Variants in UROC1 observed in about 807,000 individuals in gnomAD.
UROC1 encodes urocanate hydratase 1.
A neutral mutation model predicts 89.5 loss-of-function variants in UROC1; 79 were observed. The ratio of observed to expected loss-of-function variants is 0.88; its 90% confidence interval spans 0.74 to 1.06. UROC1 has a LOEUF of 1.06. Ranked by LOEUF, UROC1 falls within the 50% of genes least tolerant of loss-of-function variation. The pLI, the probability that UROC1 is intolerant of heterozygous loss-of-function variation, is 0.00. For missense variants in UROC1, 885 were observed against 907.8 expected, an observed-to-expected ratio of 0.97 and a Z score of 0.32; for synonymous variants, 361 against 354.8, an observed-to-expected ratio of 1.02 and a Z score of -0.20.
intron 13 of UROC1, 49 bp downstream of exon 13, chr3:126,499,288 G>A: frequency 6.3e-7 from 1 of 1,589,352 alleles, no homozygotes; most frequent in Non-Finnish European, 8.6e-7. Flanking sequence ...CCTGAACGGG[G>A]CAGGGGTGGC....
At chr3:126,515,230 G>C (rs762736351) in intron 1 of UROC1, among the ~76,000 whole-genome samples, 1 of 152,070 alleles carries the variant, frequency 6.6e-6, no homozygotes, top group East Asian at 1.9e-4. Flanking sequence ...CCTGAGCTCC[G>C]GGGTGAAGTT....
Position 126,496,033 on chromosome 3 carries a change from C to G in UROC1, c.1509+5G>C. On this transcript the variant is annotated splice_donor_5th_base_variant and intron_variant, in intron 15 of 19. Coordinates refer to ENST00000290868, the MANE Select transcript of UROC1 (RefSeq NM_144639.3). ...CCCCAGCCTCCCCCAGGCCTGGGCC[C>G]TCACCAGCCGGTGCCTGGCGGCCTC... 1.9e-6 allele frequency: 3 copies of G among 1,612,686 alleles called. No homozygotes were observed. Among genetic ancestry groups the G allele is most frequent in the Non-Finnish European group, 2.5e-6 (3 of 1,179,876 alleles).
chr3:126,509,051 G>A (rs148912249), intron 3 of UROC1, among the ~76,000 whole-genome samples: 1 of 152,168 alleles, frequency 6.6e-6, no homozygotes, highest in African/African-American at 2.4e-5. Flanking sequence ...CATTAATAAT[G>A]TTTATATAGA....
intron 15 of UROC1, 51 bp downstream of exon 15, chr3:126,495,987 A>C: frequency 1.3e-6 from 2 of 1,571,922 alleles, no homozygotes; most frequent in Non-Finnish European, 8.7e-7. Flanking sequence ...ACCTTTGGGC[A>C]GTCTTCTGAC....
chr3:126,517,570 C>T (rs763900580), intron 1 of UROC1, 24 bp downstream of exon 1: 18 of 1,612,192 alleles, frequency 1.1e-5, no homozygotes, highest in Middle Eastern at 1.7e-4. Flanking sequence ...GCCAAGGCCT[C>T]GGGAGCACGG....
intron 9 of UROC1, chr3:126,501,864 G>C (rs765461281): frequency 9.4e-6 from 15 of 1,599,374 alleles, no homozygotes; most frequent in African/African-American, 1.3e-5. Context: ...GTGCAAGGTT[G>C]ACAAAGCAGG....
intron 8 of UROC1, among the ~76,000 whole-genome samples, chr3:126,505,377 T>C (rs1936028683): frequency 6.6e-6 from 1 of 152,194 alleles, no homozygotes; most frequent in Non-Finnish European, 1.5e-5. Flanking sequence ...CCCTCCCATC[T>C]GTATTCCAGG....
chr3:126,506,907 A>G (rs1374144712), intron 6 of UROC1, among the ~76,000 whole-genome samples: 2 of 152,120 alleles, frequency 1.3e-5, no homozygotes, highest in Non-Finnish European at 2.9e-5. Flanking sequence ...GTGAAACCCC[A>G]TCTCTACTAA....
intron 16 of UROC1, 64 bp downstream of exon 16, chr3:126,492,354 C>T: frequency 6.6e-7 from 1 of 1,506,512 alleles, no homozygotes; most frequent in Non-Finnish European, 9.1e-7. Context: ...CAGGAAGGCC[C>T]AAGGCAGGAA....
At chr3:126,504,563 A>C (rs1194729000) in intron 8 of UROC1, among the ~76,000 whole-genome samples, 1 of 152,232 alleles carries the variant, frequency 6.6e-6, no homozygotes, top group Non-Finnish European at 1.5e-5. Context: ...AAAGGAATCA[A>C]GAGATATTAA....
intron 12 of UROC1, among the ~76,000 whole-genome samples, chr3:126,499,778 A>C (rs1032353468): frequency 6.6e-6 from 1 of 152,212 alleles, no homozygotes; most frequent in African/African-American, 2.4e-5. Context: ...GGAAAGCTGC[A>C]ATTTTGGGAC....
chr3:126,511,843 T>C (rs1936202737), intron 1 of UROC1, among the ~76,000 whole-genome samples: 2 of 152,254 alleles, frequency 1.3e-5, no homozygotes, highest in South Asian at 2.1e-4. Context: ...TTGCTAACCA[T>C]TGAATTTTTC....
chr3:126,501,148 A>G, intron 10 of UROC1, 70 bp downstream of exon 10: 14 of 1,499,654 alleles, frequency 9.3e-6, no homozygotes, highest in Non-Finnish European at 1.3e-5. Context: ...CCTGGTCAGC[A>G]TTGAGGTCTT....
At chr3:126,486,610 T>C (rs1935520173) in intron 18 of UROC1, among the ~76,000 whole-genome samples, 1 of 152,186 alleles carries the variant, frequency 6.6e-6, no homozygotes. Context: ...CTGTCACTGG[T>C]TGTCCTGGAG....
chr3:126,500,204 C>G, intron 11 of UROC1, 50 bp from the exon 12 acceptor site: 1 of 1,579,460 alleles, frequency 6.3e-7, no homozygotes, highest in Non-Finnish European at 8.7e-7. Flanking sequence ...CTGGGGCCTC[C>G]CCAATGTGGC....
chr3:126,503,914 C>A, intron 9 of UROC1, 81 bp downstream of exon 9: 1 of 1,523,030 alleles, frequency 6.6e-7, no homozygotes, highest in South Asian at 1.1e-5. Flanking sequence ...CCACACCAAG[C>A]TGCCCCATGG....
Position 126,500,735 on chromosome 3 carries a change from C to T in UROC1, c.1105G>A (p.Ala369Thr). The T allele has an allele frequency of 6.2e-7, 1 of 1,614,134 alleles. No homozygotes were observed. The highest frequency in any genetic ancestry group is 1.1e-5 in the South Asian group (1 of 91,084). Residue 369 changes from alanine (A) to threonine (T), a missense_variant, in exon 11 of 20, where the codon GCC becomes ACC. Ala to Thr is a moderately conservative substitution (Grantham distance 58, BLOSUM62 0). Transcript: ENST00000290868. ...TCCTTGAACACAGCAGGGTTGGAGGCCATGAGGCTCTGGGCCTCCGTGAAG... is the reference window on the plus strand; with the variant it reads ...TCCTTGAACACAGCAGGGTTGGAGGTCATGAGGCTCTGGGCCTCCGTGAAG... ...LSFTEAQSLMASNPAVFKDLV... is the reference protein window; with the variant it reads ...LSFTEAQSLMTSNPAVFKDLV...
At chr3:126,493,347 C>T (rs926297687) in intron 15 of UROC1, among the ~76,000 whole-genome samples, 5 of 152,162 alleles carry the variant, frequency 3.3e-5, no homozygotes, top group Admixed American at 2.0e-4. Context: ...ATGACAACAG[C>T]TGAGAGGTGG....
chr3:126,512,736 G>A (rs979983065), intron 1 of UROC1, among the ~76,000 whole-genome samples: 4 of 152,214 alleles, frequency 2.6e-5, no homozygotes, highest in Non-Finnish European at 4.4e-5. Flanking sequence ...GTATACATAT[G>A]TATATATATA....
Sources: allele counts gnomAD v4.1 joint callset (sites outside exome capture counted in the v4.1 genomes callset), GRCh38; gene constraint gnomAD v4.1.1; transcripts MANE v1.5; gene names NCBI Gene and HGNC (gene_info 2026-07-23, HGNC 2026-07-21).